MEF2C: variants seen among roughly 807,000 people sequenced by gnomAD.
The protein encoded by MEF2C is myocyte-specific enhancer factor 2C.
A neutral mutation model predicts 50.5 loss-of-function variants in MEF2C; 6 were observed. The observed-to-expected ratio is 0.12, with a 90% CI of 0.07 to 0.23. The LOEUF (loss-of-function observed/expected upper bound fraction) is 0.23, where lower values mean the gene tolerates loss of function less well. Ranked by LOEUF, MEF2C falls within the 10% of genes least tolerant of loss-of-function variation. The pLI is 1.00. For missense variants in MEF2C, 276 were observed against 605.0 expected (o/e 0.46, Z 5.70); for synonymous variants, 183 against 228.0 (o/e 0.80, Z 1.78).
At chr5:88,877,114 T>C (rs1831309517) in intron 1 of MEF2C, among the ~76,000 whole-genome samples, 1 of 152,034 alleles carries the variant, frequency 6.6e-6, no homozygotes, top group South Asian at 2.1e-4. Flanking sequence ...GCATTAAGAA[T>C]TAATAAAGTC....
intron 3 of MEF2C, among the ~76,000 whole-genome samples, chr5:88,777,906 T>C (rs993519524): frequency 1.5e-5 from 2 of 134,618 alleles, no homozygotes; most frequent in Non-Finnish European, 3.2e-5. Flanking sequence ...TTTCTTTTTT[T>C]TTTTTTTTTT....
intron 9 of MEF2C, 54 bp from the exon 10 acceptor site, chr5:88,728,682 A>C: frequency 8.3e-7 from 1 of 1,205,420 alleles, no homozygotes; most frequent in Non-Finnish European, 1.1e-6. Flanking sequence ...AAATTATCAA[A>C]TGGTAAATAG....
chr5:88,757,090 G>C (rs1050861014), intron 4 of MEF2C, among the ~76,000 whole-genome samples: 1 of 152,056 alleles, frequency 6.6e-6, no homozygotes, highest in Admixed American at 6.5e-5. Flanking sequence ...CCATGAAGCC[G>C]GTCCCAGCTT....
At chr5:88,765,420 G>A (rs1034319064) in intron 3 of MEF2C, among the ~76,000 whole-genome samples, 1 of 152,174 alleles carries the variant, frequency 6.6e-6, no homozygotes, top group Non-Finnish European at 1.5e-5. Flanking sequence ...ATATCATAGT[G>A]TGAATGTGGA....
chr5:88,859,381 G>A (rs1317670575), intron 1 of MEF2C, among the ~76,000 whole-genome samples: 1 of 152,172 alleles, frequency 6.6e-6, no homozygotes, highest in Non-Finnish European at 1.5e-5. Flanking sequence ...TCCCGCTCAA[G>A]TGTTTTCTCC....
chr5:88,734,175 C>T (rs1039918160), intron 6 of MEF2C: 23 of 984,780 alleles, frequency 2.3e-5, no homozygotes, highest in Admixed American at 6.2e-5. Flanking sequence ...ATAGATTCTA[C>T]GGGATAAAAA....
At chr5:88,795,871 G>A (rs1269097504) in intron 3 of MEF2C, among the ~76,000 whole-genome samples, 2 of 152,098 alleles carry the variant, frequency 1.3e-5, no homozygotes, top group African/African-American at 2.4e-5. Context: ...TTTTATCGAC[G>A]CCCTTTTCTG....
chr5:88,806,990 T>C (rs1425842610), intron 2 of MEF2C, among the ~76,000 whole-genome samples: 1 of 152,230 alleles, frequency 6.6e-6, no homozygotes, highest in Non-Finnish European at 1.5e-5. Flanking sequence ...TTCAGAAAGA[T>C]ACAATTGATG....
chr5:88,722,558 A>G lies in MEF2C; in HGVS notation c.*46T>C. 3 of 1,529,450 alleles carry G rather than the reference A, an allele frequency of 2.0e-6. No homozygotes were observed. Among genetic ancestry groups the G allele is most frequent in the Non-Finnish European group, 2.7e-6 (3 of 1,125,412 alleles). The allele number at this position is 1,529,450 out of a possible 1,614,324, so 94.7% of individuals were successfully genotyped here. On this transcript the variant is annotated 3_prime_UTR_variant, in exon 11 of 11. Transcript: ENST00000504921. Reference sequence around the variant, plus strand: ...CCTTCCCCATTAAGGTATAGCACACACACACACTGCAAGAAAAAAAAAAAA... The same window carrying G: ...CCTTCCCCATTAAGGTATAGCACACGCACACACTGCAAGAAAAAAAAAAAA...
At chr5:88,888,876 T>C (rs1199241850) in intron 1 of MEF2C, 1 of 152,196 alleles carries the variant, frequency 6.6e-6, no homozygotes, top group Non-Finnish European at 1.5e-5. Flanking sequence ...AATGCGACTT[T>C]ACCTTTACTT....
intron 2 of MEF2C, among the ~76,000 whole-genome samples, chr5:88,807,966 TATTG>T (rs1286905540): frequency 1.3e-5 from 2 of 152,244 alleles, no homozygotes; most frequent in African/African-American, 2.4e-5. Flanking sequence ...ATTTCATCTT[TATTG>T]ATTGTCTTTC....
chr5:88,742,026 A>C (rs991617361), intron 6 of MEF2C: 1 of 985,288 alleles, frequency 1.0e-6, no homozygotes, highest in Non-Finnish European at 1.2e-6. Flanking sequence ...ACTGAAACAT[A>C]CTATGTAAGT....
At chr5:88,758,777 T>C (rs2152629490) in intron 4 of MEF2C, among the ~76,000 whole-genome samples, 1 of 152,294 alleles carries the variant, frequency 6.6e-6, no homozygotes. Flanking sequence ...TGGCTCCTTC[T>C]CACAGCTCTG....
At chr5:88,746,271 G>T (rs773173126) in intron 6 of MEF2C, among the ~76,000 whole-genome samples, 1 of 152,066 alleles carries the variant, frequency 6.6e-6, no homozygotes, top group Admixed American at 6.5e-5. Context: ...ACTGGATGAT[G>T]GTATGATGAG....
At chr5:88,779,521 A>C (rs1401595227) in intron 3 of MEF2C, among the ~76,000 whole-genome samples, 6 of 152,006 alleles carry the variant, frequency 3.9e-5, no homozygotes, top group African/African-American at 1.2e-4. Flanking sequence ...AGTGAAATGG[A>C]AGCTATGTAT....
intron 4 of MEF2C, chr5:88,760,860 C>T (rs771277144): frequency 8.8e-6 from 9 of 1,019,646 alleles, no homozygotes; most frequent in African/African-American, 3.3e-5. Flanking sequence ...ATGAGCTGCC[C>T]GTGGGATGAG....
At chr5:88,884,784 A>G (rs1833879230), upstream of MEF2C, among the ~76,000 whole-genome samples, 1 of 146,268 alleles carries the variant, frequency 6.8e-6, no homozygotes, top group African/African-American at 2.6e-5. Flanking sequence ...AAAGCATGAT[A>G]AACACTTTTC....
At chr5:88,844,614 C>T in intron 1 of MEF2C, 1 of 805,420 alleles carries the variant, frequency 1.2e-6, no homozygotes, top group Non-Finnish European at 1.5e-6. Flanking sequence ...TAACACAGTA[C>T]ACCAAAAATA....
intron 1 of MEF2C, among the ~76,000 whole-genome samples, chr5:88,849,416 G>C (rs1292676910): frequency 6.6e-6 from 1 of 151,894 alleles, no homozygotes; most frequent in Admixed American, 6.6e-5. Flanking sequence ...AAATAATAAG[G>C]TCATATGCAC....
Sources: allele counts gnomAD v4.1 joint callset (sites outside exome capture counted in the v4.1 genomes callset), GRCh38; gene constraint gnomAD v4.1.1; transcripts MANE v1.5; gene names NCBI Gene and HGNC (gene_info 2026-07-23, HGNC 2026-07-21).